ATP2B1: variants seen among roughly 807,000 people sequenced by gnomAD.
ATP2B1 encodes the protein plasma membrane calcium-transporting ATPase 1.
A neutral mutation model predicts 124.2 loss-of-function variants in ATP2B1; 14 were observed. The observed-to-expected ratio is 0.11, with a 90% CI of 0.07 to 0.18. The LOEUF is 0.18. Ranked by LOEUF, ATP2B1 falls within the 10% of genes least tolerant of loss-of-function variation. The pLI, the probability that ATP2B1 is intolerant of heterozygous loss-of-function variation, is 1.00. For synonymous variants in ATP2B1, 449 were observed against 492.4 expected (o/e 0.91, Z 1.17); for missense variants, 763 against 1,466.1 (o/e 0.52, Z 7.83).
chr12:89,675,514 G>A (rs1003896856), intron 1 of ATP2B1, among the ~76,000 whole-genome samples: 1 of 152,142 alleles, frequency 6.6e-6, no homozygotes, highest in African/African-American at 2.4e-5. Context: ...TATTAGCAAT[G>A]AGCCTAAGTA....
At chr12:89,673,615 C>T (rs1374117088) in intron 1 of ATP2B1, among the ~76,000 whole-genome samples, 5 of 152,150 alleles carry the variant, frequency 3.3e-5, no homozygotes, top group South Asian at 2.1e-4. Flanking sequence ...ACAACAAATA[C>T]GACATCTTGC....
intron 1 of ATP2B1, among the ~76,000 whole-genome samples, chr12:89,683,212 T>C (rs778185281): frequency 2.6e-5 from 4 of 152,372 alleles, no homozygotes; most frequent in Admixed American, 6.5e-5. Flanking sequence ...ACCAGCAATG[T>C]ATGTAAAATG....
At chr12:89,701,823 T>C (rs575166413) in intron 1 of ATP2B1, among the ~76,000 whole-genome samples, 10 of 152,040 alleles carry the variant, frequency 6.6e-5, no homozygotes, top group South Asian at 2.1e-4. Flanking sequence ...CTAGGACTTA[T>C]AGGCATCAAG....
At chr12:89,698,913 T>C (rs1891496689) in intron 1 of ATP2B1, among the ~76,000 whole-genome samples, 1 of 152,220 alleles carries the variant, frequency 6.6e-6, no homozygotes, top group South Asian at 2.1e-4. Flanking sequence ...TGTGGTACCC[T>C]GGTTTTCAAC....
intron 1 of ATP2B1, among the ~76,000 whole-genome samples, chr12:89,659,219 A>G (rs1176768675): frequency 5.3e-5 from 8 of 152,146 alleles, no homozygotes; most frequent in Non-Finnish European, 1.0e-4. Flanking sequence ...CTAAGAAAAA[A>G]TGTTAAGTGC....
intron 1 of ATP2B1, among the ~76,000 whole-genome samples, chr12:89,664,069 T>C (rs544747751): frequency 6.6e-6 from 1 of 152,338 alleles, no homozygotes; most frequent in East Asian, 1.9e-4. Context: ...TATTTCAGAA[T>C]TCCACAATTC....
At chr12:89,613,554 C>T (rs1352616061) in intron 12 of ATP2B1, among the ~76,000 whole-genome samples, 2 of 152,102 alleles carry the variant, frequency 1.3e-5, no homozygotes, top group African/African-American at 4.8e-5. Flanking sequence ...CAATATTTGA[C>T]ACTAAAAACA....
chr12:89,673,761 C>G (rs1445627821), intron 1 of ATP2B1, among the ~76,000 whole-genome samples: 1 of 152,098 alleles, frequency 6.6e-6, no homozygotes, highest in African/African-American at 2.4e-5. Flanking sequence ...TACATATCAG[C>G]TATGATTGAG....
At chr12:89,655,471 T>A in intron 2 of ATP2B1, 1 of 566,472 alleles carries the variant, frequency 1.8e-6, no homozygotes, top group South Asian at 2.1e-5. Flanking sequence ...ATCCCGCCAA[T>A]CTAAAACATA....
At chr12:89,707,206 C>CG (rs1892570706) in intron 1 of ATP2B1, among the ~76,000 whole-genome samples, 1 of 152,122 alleles carries the variant, frequency 6.6e-6, no homozygotes, top group African/African-American at 2.4e-5. Context: ...AGGCTGGCAT[C>CG]GGGGCAAGTG....
chr12:89,698,554 C>T (rs76478476), intron 1 of ATP2B1, among the ~76,000 whole-genome samples: 3,056 of 152,080 alleles, frequency 0.02, 103 homozygotes, highest in African/African-American at 0.069. Context: ...ACTGTGGTGG[C>T]GACTGTGGAA....
chr12:89,620,897 A>T (rs544578547), intron 10 of ATP2B1, among the ~76,000 whole-genome samples: 87 of 152,296 alleles, frequency 5.7e-4, no homozygotes, highest in African/African-American at 2.0e-3. Flanking sequence ...CATCCAATTC[A>T]TGTATGTTTT....
At chr12:89,614,024 A>C (rs778913104) in intron 12 of ATP2B1, among the ~76,000 whole-genome samples, 2 of 152,256 alleles carry the variant, frequency 1.3e-5, no homozygotes, top group Non-Finnish European at 1.5e-5. Context: ...CTGAAAAACA[A>C]GTGCCATTTA....
At chr12:89,659,987 T>G (rs1228554925) in intron 1 of ATP2B1, among the ~76,000 whole-genome samples, 1 of 148,572 alleles carries the variant, frequency 6.7e-6, no homozygotes, top group Non-Finnish European at 1.5e-5. Context: ...AAAAAATCAA[T>G]TATTAGAAAA....
At chr12:89,636,654 G>A (rs1244653040) in intron 3 of ATP2B1, among the ~76,000 whole-genome samples, 1 of 152,142 alleles carries the variant, frequency 6.6e-6, no homozygotes, top group Non-Finnish European at 1.5e-5. Flanking sequence ...TGAGGTGTGA[G>A]GGTGCTGACT....
At position 89,659,926 on chromosome 12, in the gene ATP2B1, A is replaced by C. The variant is rs533127817; in HGVS notation, c.-221-3819T>G. On this transcript the variant is annotated intron_variant, in intron 1 of 20. Coordinates refer to ENST00000428670, the MANE Select transcript of ATP2B1 (RefSeq NM_001366521.1). Reference sequence around the variant, plus strand: ...GACAAAGCGAGACTCAAAAAAAAAAAAAAACAAAAAAAAACAAAAAAGAAG... The same window carrying C: ...GACAAAGCGAGACTCAAAAAAAAAACAAAACAAAAAAAAACAAAAAAGAAG... 6.0e-5 allele frequency among the ~76,000 whole-genome samples: 9 copies of C among 150,038 alleles called. No individual in the cohort carries two copies. The South Asian group carries it at 1.1e-3, about 18-fold the overall frequency.
At chr12:89,684,400 A>G (rs1199937713) in intron 1 of ATP2B1, among the ~76,000 whole-genome samples, 1 of 152,172 alleles carries the variant, frequency 6.6e-6, no homozygotes, top group Non-Finnish European at 1.5e-5. Context: ...TAAAGACAAA[A>G]ATGGGATGAG....
chr12:89,644,404 T>C (rs576825421), intron 2 of ATP2B1, among the ~76,000 whole-genome samples: 52 of 152,082 alleles, frequency 3.4e-4, no homozygotes, highest in African/African-American at 1.2e-3. Context: ...AATGAACATA[T>C]AGCTTTAAAG....
At chr12:89,658,778 T>C (rs1183105292) in intron 1 of ATP2B1, among the ~76,000 whole-genome samples, 1 of 152,230 alleles carries the variant, frequency 6.6e-6, no homozygotes, top group Non-Finnish European at 1.5e-5. Context: ...TTGAGTTTTC[T>C]ATTACTTTGC....
Sources: gnomAD v4.1 joint callset for allele counts (sites outside exome capture counted in the v4.1 genomes callset) on GRCh38, gnomAD v4.1.1 for gene constraint, MANE v1.5 for transcripts, NCBI Gene and HGNC (gene_info 2026-07-23, HGNC 2026-07-21) for gene names.